The following EXT2 variants were observed in gnomAD, a reference collection of about 807,000 sequenced individuals.
The protein encoded by EXT2 is exostosin-2.
EXT2 carries 53 observed loss-of-function variants against 81.6 expected under a neutral mutation model. That is an observed-to-expected ratio of 0.65 (90% CI 0.52 to 0.82). The LOEUF is 0.82. Among genes scored for constraint, EXT2 ranks in the 40% least tolerant of loss-of-function variants. The probability of loss-of-function intolerance (pLI) is 0.00; values close to 1 mark genes in which losing one functional copy is unlikely to be tolerated. For synonymous variants in EXT2, 320 were observed against 340.0 expected, an observed-to-expected ratio of 0.94 and a Z score of 0.65; for missense variants, 774 against 910.2, an observed-to-expected ratio of 0.85 and a Z score of 1.93.
chr11:44,169,394 T>G (rs1245664236), intron 7 of EXT2, among the ~76,000 whole-genome samples: 2 of 152,082 alleles, frequency 1.3e-5, no homozygotes, highest in Non-Finnish European at 2.9e-5. Flanking sequence ...TGATGTTTAC[T>G]GTAGTTGCTA....
intron 7 of EXT2, among the ~76,000 whole-genome samples, chr11:44,161,059 T>C (rs1353313523): frequency 6.6e-6 from 1 of 152,230 alleles, no homozygotes; most frequent in Non-Finnish European, 1.5e-5. Flanking sequence ...TACATCAAAA[T>C]AAAATTAAAG....
chr11:44,243,611 C>T (rs1956061754), intron 13 of EXT2, among the ~76,000 whole-genome samples: 4 of 145,716 alleles, frequency 2.7e-5, no homozygotes, highest in Admixed American at 2.7e-4. Flanking sequence ...AAATTTGGCC[C>T]TGTCACCTTT....
At chr11:44,106,968 G>A (rs750335763) in intron 1 of EXT2, among the ~76,000 whole-genome samples, 1 of 152,134 alleles carries the variant, frequency 6.6e-6, no homozygotes, top group Non-Finnish European at 1.5e-5. Context: ...AGTTTGTCCA[G>A]TTAAATCATT....
chr11:44,227,153 C>A (rs1279276529), intron 10 of EXT2, among the ~76,000 whole-genome samples: 1 of 152,158 alleles, frequency 6.6e-6, no homozygotes, highest in Non-Finnish European at 1.5e-5. Context: ...TTACACCTTC[C>A]CCCTTCTCCC....
chr11:44,162,275 A>G (rs1479754334), intron 7 of EXT2, among the ~76,000 whole-genome samples: 1 of 152,112 alleles, frequency 6.6e-6, no homozygotes, highest in East Asian at 1.9e-4. Context: ...CAAAATAAAA[A>G]GTTATAAAAG....
chr11:44,234,140 A>C lies in EXT2; in HGVS notation c.1832A>C (p.Lys611Thr). The C allele has an allele frequency of 6.2e-7, 1 of 1,614,126 alleles. No individual in the cohort carries two copies. The change falls in exon 12 of 14, where the codon AAA becomes ACA. Residue 611 changes from lysine to threonine, a missense_variant. Around this residue, in one of 2 missense-constraint regions of EXT2, gnomAD observed 148 missense variants for 239.7 expected, o/e 0.62. Transcript: ENST00000533608. ...TATTTTAATTACCTGTATACCTACA[A>C]AATGCCTGGGGATATCAAGAACTGG... The part of the protein sequence containing the change: ...HKYFNYLYTY[K>T]MPGDIKNWVD...
At chr11:44,149,726 C>T (rs1954768294) in intron 7 of EXT2, among the ~76,000 whole-genome samples, 2 of 152,138 alleles carry the variant, frequency 1.3e-5, no homozygotes, top group South Asian at 2.1e-4. Flanking sequence ...TAATTACCCC[C>T]CACAAATATA....
rs146906186 is a variant in EXT2 at position 44,107,741 on chromosome 11, G to A, written c.29G>A (p.Arg10Gln). Residue 10 changes from arginine to glutamine, a missense_variant, in exon 2 of 14, where the codon CGG becomes CAG. Transcript: ENST00000533608. ...TGTGCGTCGGTCAAGTATAATATCC[G>A]GGGTCCTGCCCTCATCCCAAGAATG... MCASVKYNIRGPALIPRMKT... is the reference protein window; with the variant it reads MCASVKYNIQGPALIPRMKT... 40 of 1,614,142 alleles carry A rather than the reference G, an allele frequency of 2.5e-5. No individual in the cohort carries two copies. The highest frequency in any genetic ancestry group is 3.3e-5 in the South Asian group (3 of 91,072).
chr11:44,114,993 T>G (rs1487268441), intron 4 of EXT2, among the ~76,000 whole-genome samples: 1 of 152,194 alleles, frequency 6.6e-6, no homozygotes, highest in Non-Finnish European at 1.5e-5. Flanking sequence ...TGCTTGTGCC[T>G]TAGGTTTCAG....
intron 9 of EXT2, among the ~76,000 whole-genome samples, chr11:44,200,044 C>G (rs1279189866): frequency 6.6e-6 from 1 of 151,722 alleles, no homozygotes; most frequent in Non-Finnish European, 1.5e-5. Context: ...CATGTTTAAT[C>G]TTCTGTGGGG....
chr11:44,130,459 T>C (rs1263741319), intron 7 of EXT2, among the ~76,000 whole-genome samples: 1 of 152,238 alleles, frequency 6.6e-6, no homozygotes, highest in Non-Finnish European at 1.5e-5. Flanking sequence ...CCATGGAAGC[T>C]GGACCATTTC....
chr11:44,126,446 A>T (rs1473111378), intron 5 of EXT2, among the ~76,000 whole-genome samples: 1 of 152,188 alleles, frequency 6.6e-6, no homozygotes, highest in African/African-American at 2.4e-5. Context: ...AAGTACTGTA[A>T]GAGATGTCAG....
chr11:44,205,512 TTC>T (rs1955571890), intron 9 of EXT2, among the ~76,000 whole-genome samples: 1 of 152,218 alleles, frequency 6.6e-6, no homozygotes, highest in Admixed American at 6.5e-5. Flanking sequence ...GAGCTGACCA[TTC>T]TCTTTTAGGC....
At chr11:44,136,936 T>G (rs1448515022) in intron 7 of EXT2, among the ~76,000 whole-genome samples, 1 of 152,152 alleles carries the variant, frequency 6.6e-6, no homozygotes, top group Non-Finnish European at 1.5e-5. Context: ...TGGGAGAGCC[T>G]TGGTAATGGG....
At chr11:44,135,612 G>A (rs1402627863) in intron 7 of EXT2, among the ~76,000 whole-genome samples, 1 of 151,968 alleles carries the variant, frequency 6.6e-6, no homozygotes, top group Non-Finnish European at 1.5e-5. Context: ...GGCTGGTCTC[G>A]AACTCCTGAC....
At chr11:44,217,012 A>C (rs1955727848) in intron 10 of EXT2, among the ~76,000 whole-genome samples, 1 of 148,140 alleles carries the variant, frequency 6.8e-6, no homozygotes, top group Non-Finnish European at 1.5e-5. Flanking sequence ...GATGTGACCC[A>C]CCCGAGGCCT....
intron 7 of EXT2, among the ~76,000 whole-genome samples, chr11:44,152,647 T>A (rs753871915): frequency 6.6e-6 from 1 of 152,148 alleles, no homozygotes; most frequent in Non-Finnish European, 1.5e-5. Context: ...CACTGCACCC[T>A]GCTGGAGTTT....
chr11:44,150,917 T>C (rs973779776), intron 7 of EXT2, among the ~76,000 whole-genome samples: 4 of 152,220 alleles, frequency 2.6e-5, no homozygotes, highest in Admixed American at 6.5e-5. Flanking sequence ...GTTTTTGATC[T>C]GTCTGGGAAG....
chr11:44,234,033 G>T, intron 11 of EXT2, 82 bp from the exon 12 acceptor site: 1 of 1,595,952 alleles, frequency 6.3e-7, no homozygotes, highest in Non-Finnish European at 8.6e-7. Context: ...TTGTCCCCAT[G>T]CCTTGGCTAT....
Sources: gnomAD v4.1 joint callset for allele counts (sites outside exome capture counted in the v4.1 genomes callset) on GRCh38, gnomAD v4.1.1 for gene constraint, gnomAD v4.1.1 regional missense constraint, MANE v1.5 for transcripts, NCBI Gene and HGNC (gene_info 2026-07-23, HGNC 2026-07-21) for gene names.